Variants in OSBPL10 observed in about 807,000 individuals in gnomAD.
OSBPL10 encodes oxysterol-binding protein-related protein 10.
In OSBPL10, 49 loss-of-function variants were observed where a neutral mutation model predicts 81.7. The ratio of observed to expected loss-of-function variants is 0.60; its 90% CI spans 0.48 to 0.76. The LOEUF is 0.76. Ranked by LOEUF, OSBPL10 falls within the 30% of genes least tolerant of loss-of-function variation. OSBPL10 has a pLI of 0.00. For missense variants in OSBPL10, 923 were observed against 987.8 expected, an observed-to-expected ratio of 0.93 and a Z score of 0.88; for synonymous variants, 419 against 383.6, an observed-to-expected ratio of 1.09 and a Z score of -1.08.
At chr3:31,885,625 G>A (rs934645488) in intron 1 of OSBPL10, among the ~76,000 whole-genome samples, 55 of 152,082 alleles carry the variant, frequency 3.6e-4, no homozygotes, top group African/African-American at 1.2e-3. Flanking sequence ...TTCCTTTGTC[G>A]GGGAAGGAAC....
chr3:31,973,502 T>C (rs1261446835), intron 1 of OSBPL10, among the ~76,000 whole-genome samples: 1 of 152,182 alleles, frequency 6.6e-6, no homozygotes, highest in Non-Finnish European at 1.5e-5. Flanking sequence ...GCGAGGTTCA[T>C]ATCATTTTAC....
intron 6 of OSBPL10, among the ~76,000 whole-genome samples, chr3:31,705,646 G>A (rs900103522): frequency 1.3e-5 from 2 of 152,174 alleles, no homozygotes; most frequent in Non-Finnish European, 2.9e-5. Flanking sequence ...CAAAGAGATG[G>A]ATAATTATCA....
At chr3:31,965,824 A>C (rs1366081920) in intron 1 of OSBPL10, among the ~76,000 whole-genome samples, 3 of 61,266 alleles carry the variant, frequency 4.9e-5, no homozygotes, top group South Asian at 5.8e-4. Context: ...TATATATTAT[A>C]TAAATATATA....
At chr3:31,696,115 G>A (rs1695713825) in intron 7 of OSBPL10, among the ~76,000 whole-genome samples, 1 of 152,078 alleles carries the variant, frequency 6.6e-6, no homozygotes, top group African/African-American at 2.4e-5. Context: ...TAACCATGAG[G>A]GTCTCCTGCC....
In OSBPL10 at chr3:31,664,070, CAG is replaced by C; in HGVS notation, c.2250+7_2250+8del. On this transcript the variant is annotated splice_region_variant and intron_variant, in intron 11 of 11. Coordinates refer to ENST00000396556, the MANE Select transcript of OSBPL10 (RefSeq NM_017784.5). ...TGGGCAAGGGACCAATGACAGGCGG[CAG>C]AGTTACCTCCTGGATAAAATATTTG... 6.2e-7 allele frequency: 1 copy of C among 1,614,138 alleles called. No individual in the cohort carries two copies. Among genetic ancestry groups the C allele is most frequent in the Non-Finnish European group, 8.5e-7 (1 of 1,180,026 alleles).
At chr3:31,793,175 C>A (rs899427639) in intron 4 of OSBPL10, among the ~76,000 whole-genome samples, 20 of 152,162 alleles carry the variant, frequency 1.3e-4, no homozygotes, top group Non-Finnish European at 2.8e-4. Flanking sequence ...CTGTCTCTTT[C>A]ATATCCTGCC....
At chr3:31,939,140 C>T (rs1260876097) in intron 1 of OSBPL10, among the ~76,000 whole-genome samples, 1 of 121,300 alleles carries the variant, frequency 8.2e-6, no homozygotes, top group Admixed American at 9.4e-5. Context: ...AAGACTCTCT[C>T]ATCCTTTTTT....
At chr3:31,892,101 G>A (rs188809292) in intron 1 of OSBPL10, among the ~76,000 whole-genome samples, 2 of 152,098 alleles carry the variant, frequency 1.3e-5, no homozygotes, top group Admixed American at 6.5e-5. Context: ...GACTTACTAG[G>A]GCCTGTCTGG....
intron 1 of OSBPL10, among the ~76,000 whole-genome samples, chr3:31,926,862 C>A (rs536324082): frequency 5.3e-5 from 8 of 152,198 alleles, no homozygotes; most frequent in Non-Finnish European, 1.2e-4. Flanking sequence ...GTAATCCCAA[C>A]CCTTTGAGAG....
At chr3:32,019,263 G>T (rs1445003360) in intron 2 of OSBPL10, among the ~76,000 whole-genome samples, 1 of 152,028 alleles carries the variant, frequency 6.6e-6, no homozygotes, top group African/African-American at 2.4e-5. Flanking sequence ...AGCCACCAGG[G>T]GGTAATACAT....
chr3:32,013,103 A>C (rs1699276169), intron 2 of OSBPL10, among the ~76,000 whole-genome samples: 1 of 152,210 alleles, frequency 6.6e-6, no homozygotes, highest in African/African-American at 2.4e-5. Context: ...CCTAATAGAC[A>C]TCTACAGAAC....
chr3:31,944,796 A>C (rs188563677), intron 1 of OSBPL10, among the ~76,000 whole-genome samples: 26 of 142,108 alleles, frequency 1.8e-4, no homozygotes, highest in African/African-American at 6.5e-4. Context: ...GCACCACTAC[A>C]TTCCAAACTG....
At chr3:31,869,815 C>T (rs1701273916) in intron 3 of OSBPL10, among the ~76,000 whole-genome samples, 1 of 152,216 alleles carries the variant, frequency 6.6e-6, no homozygotes, top group Non-Finnish European at 1.5e-5. Context: ...ACCTACCTCA[C>T]AGGACCTCTG....
chr3:31,698,331 A>G (rs781563441), intron 7 of OSBPL10, among the ~76,000 whole-genome samples: 1 of 151,954 alleles, frequency 6.6e-6, no homozygotes, highest in African/African-American at 2.4e-5. Flanking sequence ...CGCACCTGTG[A>G]TCGCAGCTAT....
intron 3 of OSBPL10, among the ~76,000 whole-genome samples, chr3:31,863,964 G>A (rs1345679261): frequency 6.6e-6 from 1 of 152,176 alleles, no homozygotes; most frequent in Non-Finnish European, 1.5e-5. Flanking sequence ...TAAAGGAGAA[G>A]AAGAAGGAAG....
chr3:31,684,588 C>T (rs1227018456), intron 7 of OSBPL10, among the ~76,000 whole-genome samples: 1 of 152,122 alleles, frequency 6.6e-6, no homozygotes, highest in Non-Finnish European at 1.5e-5. Flanking sequence ...ATAGGGGGTC[C>T]AGGCAGACCA....
At chr3:32,047,969 A>G (rs934906713) in intron 1 of OSBPL10, among the ~76,000 whole-genome samples, 1 of 151,644 alleles carries the variant, frequency 6.6e-6, no homozygotes, top group Non-Finnish European at 1.5e-5. Flanking sequence ...CCGGCCTACA[A>G]CCTGTTTTAT....
At chr3:31,676,916 G>A (rs1274638264) in intron 8 of OSBPL10, among the ~76,000 whole-genome samples, 1 of 152,204 alleles carries the variant, frequency 6.6e-6, no homozygotes, top group East Asian at 1.9e-4. Context: ...AGAAACGAGA[G>A]GGTGGGAGAA....
chr3:31,718,698 T>C (rs1696532462), intron 6 of OSBPL10: 1 of 152,236 alleles, frequency 6.6e-6, no homozygotes, highest in Non-Finnish European at 1.5e-5. Context: ...CCAATGTCTT[T>C]GAATTTCTTT....
Sources: allele counts gnomAD v4.1 joint callset (sites outside exome capture counted in the v4.1 genomes callset), GRCh38; gene constraint gnomAD v4.1.1; transcripts MANE v1.5; gene names NCBI Gene and HGNC (gene_info 2026-07-23, HGNC 2026-07-21).